The following DYTN variants were observed in gnomAD, a reference collection of about 807,000 sequenced individuals.
DYTN encodes dystrotelin.
DYTN carries 75 observed loss-of-function variants against 69.6 expected under a neutral mutation model. The observed-to-expected ratio is 1.08, with a 90% CI of 0.89 to 1.31. The LOEUF (loss-of-function observed/expected upper bound fraction) is 1.31. Ranked by LOEUF, DYTN falls within the 50% of genes most tolerant of loss-of-function variation. DYTN has a pLI of 0.00. For synonymous variants in DYTN, 252 were observed against 249.1 expected (o/e 1.01, Z -0.11); for missense variants, 726 against 688.4 (o/e 1.05, Z -0.61).
At chr2:206,660,336 T>C (rs1402662418) in intron 11 of DYTN, among the ~76,000 whole-genome samples, 1 of 152,196 alleles carries the variant, frequency 6.6e-6, no homozygotes, top group Non-Finnish European at 1.5e-5. Context: ...CTTTAAGTAT[T>C]AAACTGCACA....
chr2:206,698,435 C>T (rs908537276), intron 7 of DYTN, among the ~76,000 whole-genome samples: 1 of 152,168 alleles, frequency 6.6e-6, no homozygotes, highest in Non-Finnish European at 1.5e-5. Flanking sequence ...GGAAGGGGAA[C>T]AAAGTGAGCA....
intron 4 of DYTN, 99 bp downstream of exon 4, chr2:206,705,689 G>T: frequency 9.8e-7 from 1 of 1,020,470 alleles, no homozygotes. Context: ...GTCATGCTGA[G>T]TACATGCTGA....
intron 7 of DYTN, among the ~76,000 whole-genome samples, chr2:206,697,415 G>A (rs1184865572): frequency 6.6e-6 from 1 of 152,040 alleles, no homozygotes; most frequent in African/African-American, 2.4e-5. Context: ...TCTTTAGAAG[G>A]CCAAATCTTT....
intron 10 of DYTN, among the ~76,000 whole-genome samples, chr2:206,664,681 T>TA (rs989150489): frequency 3.3e-5 from 5 of 152,084 alleles, no homozygotes; most frequent in African/African-American, 4.8e-5. Context: ...TTTACATACA[T>TA]AAAAAACAGG....
intron 9 of DYTN, among the ~76,000 whole-genome samples, chr2:206,669,815 CT>C (rs1699611311): frequency 6.6e-6 from 1 of 152,110 alleles, no homozygotes; most frequent in East Asian, 1.9e-4. Context: ...GTTTATTGAA[CT>C]CCTTTTCCTG....
At chr2:206,708,573 C>T (rs770180753) in intron 2 of DYTN, among the ~76,000 whole-genome samples, 13 of 152,174 alleles carry the variant, frequency 8.5e-5, no homozygotes, top group Non-Finnish European at 1.2e-4. Context: ...ACTCTTTTAT[C>T]GTTAAAACCT....
At chr2:206,703,770 G>A (rs1699997947) in intron 5 of DYTN, among the ~76,000 whole-genome samples, 1 of 152,140 alleles carries the variant, frequency 6.6e-6, no homozygotes, top group East Asian at 1.9e-4. Context: ...AGAACCAAGA[G>A]AAAAGTGACA....
chr2:206,699,531 A>G (rs1239720210), intron 7 of DYTN, among the ~76,000 whole-genome samples, 196 bp downstream of exon 7: 1 of 152,214 alleles, frequency 6.6e-6, no homozygotes, highest in Admixed American at 6.5e-5. Flanking sequence ...AGAATTTAAT[A>G]TTTCATCCAT....
At chr2:206,717,736 G>A (rs1300319766) in intron 1 of DYTN, among the ~76,000 whole-genome samples, 1 of 152,196 alleles carries the variant, frequency 6.6e-6, no homozygotes, top group Non-Finnish European at 1.5e-5. Flanking sequence ...GCTCCAAACA[G>A]ATCTAGCAAT....
chr2:206,705,270 G>A (rs1408101205), intron 4 of DYTN, among the ~76,000 whole-genome samples: 2 of 152,064 alleles, frequency 1.3e-5, no homozygotes, highest in African/African-American at 4.8e-5. Context: ...CTAATTTTTT[G>A]TATTTTTAGT....
chr2:206,656,901 TA>T (rs1175632545), intron 11 of DYTN, among the ~76,000 whole-genome samples: 1 of 152,026 alleles, frequency 6.6e-6, no homozygotes, highest in Non-Finnish European at 1.5e-5. Flanking sequence ...TAACTGGGAT[TA>T]AAGGTGCATG....
At chr2:206,679,486 TA>T (rs1699726724) in intron 9 of DYTN, among the ~76,000 whole-genome samples, 1 of 152,220 alleles carries the variant, frequency 6.6e-6, no homozygotes, top group African/African-American at 2.4e-5. Context: ...CATTAGGAGT[TA>T]TAAATGCAGG....
At chr2:206,663,947 A>G (rs565556332) in intron 10 of DYTN, among the ~76,000 whole-genome samples, 29 of 152,256 alleles carry the variant, frequency 1.9e-4, no homozygotes, top group South Asian at 1.7e-3. Context: ...TGTTTATTGT[A>G]TTGACATGTG....
Position 206,714,927 on chromosome 2 carries a change from T to A in DYTN, c.19+3334A>T, listed in dbSNP as rs565753690. ...CCCAGGGATAGTTCCCTCCCAAACT[T>A]AACTCAGCCTAAATTTCTTTTTTTT... On this transcript the variant is annotated intron_variant, in intron 1 of 11. Coordinates refer to ENST00000452335, the MANE Select transcript of DYTN (RefSeq NM_001093730.1). 6.6e-5 allele frequency among the ~76,000 whole-genome samples: 10 copies of A among 152,240 alleles called. No homozygotes were observed. In the South Asian group the frequency reaches 2.1e-3, roughly 32 times the overall value.
chr2:206,700,188 G>A lies in DYTN; in HGVS notation c.512C>T (p.Ala171Val), dbSNP rs1699962570. The A allele has an allele frequency of 1.2e-6, 2 of 1,613,900 alleles. No individual in the cohort carries two copies. The highest frequency in any genetic ancestry group is 1.1e-5 in the South Asian group (1 of 91,086). The change falls in exon 6 of 12, where the codon GCT (alanine) becomes GTT (valine). Residue 171 changes from alanine (A) to valine (V), a missense_variant. By Grantham distance (64) the Ala-to-Val change is moderately conservative. Transcript: ENST00000452335. ...GGTGGCACTTTCCACAGGGCACAGA[G>A]CACGACTCTCTCCCACGAAAGTTGG... Reference protein sequence around the residue: ...QIPTFVGESRALCPVESATRS... With the variant: ...QIPTFVGESRVLCPVESATRS...
At chr2:206,685,635 G>A (rs958149843) in intron 9 of DYTN, among the ~76,000 whole-genome samples, 2 of 152,078 alleles carry the variant, frequency 1.3e-5, no homozygotes, top group African/African-American at 2.4e-5. Context: ...CCTCAGGTGG[G>A]TGAGGGGCAG....
In DYTN at chr2:206,705,875, T is replaced by C. The variant is rs1312902750; in HGVS notation, c.297-2A>G. 4.3e-6 allele frequency: 7 copies of C among 1,613,576 alleles called. No homozygotes were observed. The highest frequency in any genetic ancestry group is 5.9e-6 in the Non-Finnish European group (7 of 1,179,704). On this transcript the variant is annotated splice_acceptor_variant, in intron 3 of 11. Coordinates refer to ENST00000452335, the MANE Select transcript of DYTN (RefSeq NM_001093730.1). LOFTEE classifies it high-confidence loss of function. ...AGCTGGAGAAAACCTGTTCCTTTGC[T>C]GCACAGTAACAAAATACAGAGACAA...
In DYTN at chr2:206,665,938, T is replaced by A. The variant is rs1481395452; in HGVS notation, c.1072A>T (p.Ile358Phe). 1.9e-6 allele frequency: 3 copies of A among 1,613,868 alleles called. No individual in the cohort carries two copies. In the Admixed American group the frequency reaches 5.0e-5, roughly 27 times the overall value. The change falls in exon 10 of 12, where the codon ATT becomes TTT. Residue 358 changes from isoleucine (I) to phenylalanine (F), a missense_variant. Physicochemically the swap from Ile to Phe is conservative, Grantham distance 21 (BLOSUM62 0). Coordinates refer to ENST00000452335, the MANE Select transcript of DYTN (RefSeq NM_001093730.1). Reference protein sequence around the residue: ...EERICRFETRIHKLKTNQDSL... With the variant: ...EERICRFETRFHKLKTNQDSL... ...TCCTGGTTGGTTTTGAGTTTGTGAA[T>A]CCTTGTTTCAAATCGACAAATTCTT...
chr2:206,705,261 TA>T, intron 4 of DYTN, among the ~76,000 whole-genome samples: 1 of 152,172 alleles, frequency 6.6e-6, no homozygotes, highest in Non-Finnish European at 1.5e-5. Flanking sequence ...CACACCCGGC[TA>T]ATTTTTTGTA....
Sources: gnomAD v4.1 joint callset for allele counts (sites outside exome capture counted in the v4.1 genomes callset) on GRCh38, gnomAD v4.1.1 for gene constraint, MANE v1.5 for transcripts, NCBI Gene and HGNC (gene_info 2026-07-23, HGNC 2026-07-21) for gene names.